The following NRG1 variants were observed in gnomAD, a reference collection of about 807,000 sequenced individuals.
The protein encoded by NRG1 is neuregulin 1.
NRG1 carries 18 observed loss-of-function variants against 63.8 expected under a neutral mutation model. The ratio of observed to expected loss-of-function variants is 0.28; its 90% CI spans 0.19 to 0.42. NRG1 has a LOEUF of 0.42. Ranked by LOEUF, NRG1 falls within the 10% of genes least tolerant of loss-of-function variation. NRG1 has a pLI of 1.00. For synonymous variants in NRG1, 302 were observed against 301.3 expected (o/e 1.00, Z -0.02); for missense variants, 762 against 814.7 (o/e 0.94, Z 0.79).
At position 32,040,748 on chromosome 8, in the gene NRG1, C is replaced by T. The variant is rs1488336632; in HGVS notation, c.37+401317C>T. ...TATATATATATATATGAAATTTAGGCGCATATATATATATATATATGCGCC... is the reference window on the plus strand; with the variant it reads ...TATATATATATATATGAAATTTAGGTGCATATATATATATATATATGCGCC... On this transcript the variant is annotated intron_variant, in intron 1 of 10. Coordinates refer to the NRG1 transcript ENST00000519301. Among the ~76,000 whole-genome samples the T allele has an allele frequency of 7.4e-3, 25 of 3,398 alleles. 1 individual carries two copies. The South Asian group carries it at 0.087, about 12-fold the overall frequency. 2.2% of individuals were successfully genotyped at this position (3,398 alleles called of 152,430 possible).
At chr8:32,240,199 A>G (rs998962475) in intron 1 of NRG1, among the ~76,000 whole-genome samples, 3 of 152,192 alleles carry the variant, frequency 2.0e-5, no homozygotes, top group African/African-American at 7.2e-5. Context: ...GCACAGCTAT[A>G]CTATGACATA....
rs1219663800 is a variant in NRG1, at chr8:32,616,914, G to A, written c.502+29G>A. ...AGTATACTTAAATATTCTATTCACT[G>A]GTTTTTAACCCAAGGCACTATCTGC... is the stretch of plus-strand genomic sequence containing the variant. On this transcript the variant is annotated intron_variant, in intron 5 of 11. Transcript: ENST00000356819. 12 of 1,515,388 alleles carry A rather than the reference G, an allele frequency of 7.9e-6. No individual in the cohort carries two copies. The East Asian group carries it at 2.7e-4, about 34-fold the overall frequency. The allele number at this position is 1,515,388 out of a possible 1,614,324, so 93.9% of individuals were successfully genotyped here.
chr8:31,916,536 A>G (rs1833405526), intron 1 of NRG1, among the ~76,000 whole-genome samples: 1 of 152,200 alleles, frequency 6.6e-6, no homozygotes, highest in African/African-American at 2.4e-5. Flanking sequence ...ACATGAACTC[A>G]TCCTTTTTTA....
At chr8:32,727,950 T>G in exon 6 of NRG1, 1 of 1,613,870 alleles carries the variant, frequency 6.2e-7, no homozygotes, top group Non-Finnish European at 8.5e-7. Flanking sequence ...CCTCTTCAGC[T>G]ACATCTACAT....
At chr8:32,185,170 A>G (rs1841846495) in intron 1 of NRG1, among the ~76,000 whole-genome samples, 1 of 152,228 alleles carries the variant, frequency 6.6e-6, no homozygotes. Flanking sequence ...ACAAACACAC[A>G]CAAATATGCA....
At chr8:32,305,068 A>G (rs1856033531) in intron 1 of NRG1, among the ~76,000 whole-genome samples, 1 of 152,242 alleles carries the variant, frequency 6.6e-6, no homozygotes, top group East Asian at 1.9e-4. Context: ...ATTAAAGATA[A>G]GAATGAATTA....
intron 1 of NRG1, among the ~76,000 whole-genome samples, chr8:32,273,037 G>T (rs1195309880): frequency 6.6e-6 from 1 of 152,108 alleles, no homozygotes; most frequent in South Asian, 2.1e-4. Flanking sequence ...GGCTGAATTT[G>T]TATTCATTTC....
chr8:31,781,909 C>A (rs1336334628), intron 1 of NRG1, among the ~76,000 whole-genome samples: 6 of 152,064 alleles, frequency 3.9e-5, no homozygotes, highest in African/African-American at 1.4e-4. Flanking sequence ...CCTCAGAAAT[C>A]TTTTTCTCTA....
chr8:32,121,517 C>T (rs952327147), intron 1 of NRG1, among the ~76,000 whole-genome samples: 1 of 151,868 alleles, frequency 6.6e-6, no homozygotes, highest in Admixed American at 6.6e-5. Context: ...TCTGAATTCC[C>T]TATTTCCTTT....
intron 1 of NRG1, among the ~76,000 whole-genome samples, chr8:31,840,349 C>CTTTT (rs71992716): frequency 0.016 from 1,846 of 116,764 alleles, 48 homozygotes; most frequent in Middle Eastern, 0.035. Flanking sequence ...TATTCTCTGT[C>CTTTT]TTTTTTTTTT....
chr8:31,967,185 G>A (rs1391527408), intron 1 of NRG1, among the ~76,000 whole-genome samples: 1 of 152,092 alleles, frequency 6.6e-6, no homozygotes, highest in Non-Finnish European at 1.5e-5. Flanking sequence ...TGGAAAGGAT[G>A]TAACTAGTGG....
intron 1 of NRG1, among the ~76,000 whole-genome samples, chr8:32,001,501 G>A (rs548247187): frequency 1.3e-5 from 2 of 151,994 alleles, no homozygotes; most frequent in East Asian, 3.9e-4. Context: ...GTCTTTAATG[G>A]CAGCATGAGA....
chr8:31,932,745 A>G (rs901714776), intron 1 of NRG1, among the ~76,000 whole-genome samples: 1 of 152,180 alleles, frequency 6.6e-6, no homozygotes, highest in Non-Finnish European at 1.5e-5. Context: ...AGATCATGCT[A>G]GGCTCTCATT....
At chr8:32,163,938 C>A (rs1171805117) in intron 1 of NRG1, among the ~76,000 whole-genome samples, 1 of 152,114 alleles carries the variant, frequency 6.6e-6, no homozygotes, top group African/African-American at 2.4e-5. Flanking sequence ...CATTTATGAA[C>A]CACTGGCTCC....
intron 5 of NRG1, among the ~76,000 whole-genome samples, chr8:32,641,586 C>T (rs528060296): frequency 6.6e-6 from 1 of 152,308 alleles, no homozygotes; most frequent in East Asian, 1.9e-4. Flanking sequence ...TTCTCACATC[C>T]TCATCTTTGA....
At chr8:32,479,979 C>CTA (rs950221032) in intron 1 of NRG1, among the ~76,000 whole-genome samples, 30 of 152,202 alleles carry the variant, frequency 2.0e-4, no homozygotes, top group African/African-American at 7.0e-4. Context: ...GAAAATCCAA[C>CTA]TATATATATC....
chr8:32,012,341 G>A (rs1290147942), intron 1 of NRG1, among the ~76,000 whole-genome samples: 1 of 152,072 alleles, frequency 6.6e-6, no homozygotes, highest in Non-Finnish European at 1.5e-5. Flanking sequence ...GAGCATCAGT[G>A]GCTGAATTAG....
intron 1 of NRG1, among the ~76,000 whole-genome samples, chr8:32,418,054 G>T (rs1054467545): frequency 2.0e-5 from 3 of 152,090 alleles, no homozygotes; most frequent in Non-Finnish European, 4.4e-5. Flanking sequence ...AGGAAAAGGA[G>T]ATCTATGCAT....
rs560182321 is a variant in NRG1 at position 32,628,764 on chromosome 8, G to A, written c.502+11879G>A. 1.4e-3 allele frequency among the ~76,000 whole-genome samples: 192 copies of A among 140,030 alleles called. 1 individual carries two copies. Among genetic ancestry groups the A allele is most frequent in the Middle Eastern group, 0.012 (3 of 242 alleles). The allele number at this position is 140,030 out of a possible 152,430, so 91.9% of individuals were successfully genotyped here. ...TTTTTTTTTTTTGATATGAAGTCTC[G>A]CTCTGTCACCCAGGCTGGAGTGCAG... On this transcript the variant is annotated intron_variant, in intron 5 of 11. Transcript: ENST00000356819.
Sources: allele counts gnomAD v4.1 joint callset (sites outside exome capture counted in the v4.1 genomes callset), GRCh38; gene constraint gnomAD v4.1.1; transcripts MANE v1.5; gene names NCBI Gene and HGNC (gene_info 2026-07-23, HGNC 2026-07-21).